CDH12: variants seen among roughly 807,000 people sequenced by gnomAD.
The protein encoded by CDH12 is cadherin-12.
Under a neutral mutation model 74.1 loss-of-function variants are expected in CDH12, and 41 were observed. That is an observed-to-expected ratio of 0.55 (90% confidence interval 0.43 to 0.72). CDH12 has a LOEUF of 0.72. Ranked by LOEUF, CDH12 falls within the 30% of genes least tolerant of loss-of-function variation. CDH12 has a pLI of 0.00. For missense variants in CDH12, 945 were observed against 977.2 expected (o/e 0.97, Z 0.44); for synonymous variants, 399 against 355.0 (o/e 1.12, Z -1.39).
intron 1 of CDH12, among the ~76,000 whole-genome samples, chr5:22,695,908 T>G (rs1260043704): frequency 6.6e-6 from 1 of 152,220 alleles, no homozygotes; most frequent in East Asian, 1.9e-4. Flanking sequence ...TAAATTTATC[T>G]ATTTACTATT....
At chr5:22,371,554 A>G (rs1315832441) in intron 3 of CDH12, among the ~76,000 whole-genome samples, 5 of 152,126 alleles carry the variant, frequency 3.3e-5, no homozygotes, top group Admixed American at 3.3e-4. Flanking sequence ...TATCTTTTAT[A>G]TTATTATTTT....
At chr5:22,095,850 C>T (rs1054123009) in intron 4 of CDH12, among the ~76,000 whole-genome samples, 26 of 151,242 alleles carry the variant, frequency 1.7e-4, no homozygotes, top group African/African-American at 5.8e-4. Context: ...CTCTGCGCCC[C>T]GATCCCTTAT....
At chr5:22,843,292 C>T (rs1386776648) in intron 1 of CDH12, among the ~76,000 whole-genome samples, 1 of 151,954 alleles carries the variant, frequency 6.6e-6, no homozygotes, top group Admixed American at 6.6e-5. Flanking sequence ...AACTAATGGA[C>T]CATCTTTAAA....
chr5:22,164,223 C>T (rs1408914715), intron 4 of CDH12, among the ~76,000 whole-genome samples: 1 of 152,136 alleles, frequency 6.6e-6, no homozygotes, highest in Non-Finnish European at 1.5e-5. Flanking sequence ...GGTTCTTGGC[C>T]TCAAGATTCC....
chr5:22,149,101 A>G (rs1747404472), intron 4 of CDH12, among the ~76,000 whole-genome samples: 1 of 152,064 alleles, frequency 6.6e-6, no homozygotes, highest in Non-Finnish European at 1.5e-5. Flanking sequence ...CTGGGTGACA[A>G]GCAAGACTCC....
At chr5:22,471,894 T>G (rs2126606866) in intron 2 of CDH12, among the ~76,000 whole-genome samples, 1 of 152,320 alleles carries the variant, frequency 6.6e-6, no homozygotes, top group South Asian at 2.1e-4. Context: ...TTTGTTAAAA[T>G]GCTAAGGAAG....
At chr5:21,894,382 G>GAAAA (rs376989106) in intron 6 of CDH12, among the ~76,000 whole-genome samples, 1,910 of 62,520 alleles carry the variant, frequency 0.031, no homozygotes, top group Non-Finnish European at 0.041. Flanking sequence ...CCGTCTCAAA[G>GAAAA]AAAAAAAAAA....
intron 4 of CDH12, among the ~76,000 whole-genome samples, chr5:22,085,301 A>G (rs1742993039): frequency 6.6e-6 from 1 of 152,122 alleles, no homozygotes. Flanking sequence ...TGGTTTCCCT[A>G]GTTATTTATT....
chr5:21,883,475 T>G (rs1752466266), intron 6 of CDH12: 4 of 1,612,824 alleles, frequency 2.5e-6, no homozygotes, highest in Non-Finnish European at 3.4e-6. Context: ...AGGTTGGTCT[T>G]CAGGTTGTGG....
chr5:22,544,814 C>CAA (rs754866925), intron 1 of CDH12, among the ~76,000 whole-genome samples: 1 of 130,298 alleles, frequency 7.7e-6, no homozygotes, highest in African/African-American at 2.8e-5. Context: ...GAGACTCTGT[C>CAA]AAAAAAAAAA....
chr5:22,202,108 T>C (rs1750954276), intron 4 of CDH12, among the ~76,000 whole-genome samples: 1 of 151,440 alleles, frequency 6.6e-6, no homozygotes, highest in Non-Finnish European at 1.5e-5. Context: ...TCCCTCCCTC[T>C]GCCCCTCCCT....
chr5:22,262,507 G>A (rs1261315969), intron 3 of CDH12, among the ~76,000 whole-genome samples: 1 of 151,128 alleles, frequency 6.6e-6, no homozygotes, highest in African/African-American at 2.4e-5. Flanking sequence ...TCTTAATCCA[G>A]TCTATCATTG....
At chr5:22,576,846 A>T (rs1739816079) in intron 1 of CDH12, among the ~76,000 whole-genome samples, 1 of 152,144 alleles carries the variant, frequency 6.6e-6, no homozygotes, top group African/African-American at 2.4e-5. Context: ...CAAGGGAAAG[A>T]TGTTTTTCAA....
intron 4 of CDH12, among the ~76,000 whole-genome samples, chr5:22,090,144 T>C (rs1396933175): frequency 6.6e-6 from 1 of 151,804 alleles, no homozygotes; most frequent in Non-Finnish European, 1.5e-5. Context: ...AATTAACAAA[T>C]GCTTAGTTAT....
chr5:22,360,535 T>C (rs921986201), intron 3 of CDH12, among the ~76,000 whole-genome samples: 2 of 152,166 alleles, frequency 1.3e-5, no homozygotes, highest in African/African-American at 4.8e-5. Flanking sequence ...TCTGAAACTA[T>C]TGCAATCAAT....
chr5:22,698,122 C>CTTTTTTTTTTTT lies in CDH12; in HGVS notation c.-523+154924_-523+154935dup, dbSNP rs10677695. ...CCTTAATGCCCGCATAAAGGCAGGG[C>CTTTTTTTTTTTT]TTTTTTTTTTTTTTTTGAGATGGAG... On this transcript the variant is annotated intron_variant, in intron 1 of 14. Coordinates refer to ENST00000382254, the MANE Select transcript of CDH12 (RefSeq NM_004061.5). 3.9e-4 allele frequency among the ~76,000 whole-genome samples: 36 copies of CTTTTTTTTTTTT among 91,174 alleles called. 1 individual carries two copies. The highest frequency in any genetic ancestry group is 4.8e-4 in the Non-Finnish European group (24 of 49,500). 59.8% of individuals were successfully genotyped at this position (91,174 alleles called of 152,430 possible). A position where few individuals can be genotyped will look rare whatever the true frequency, so the allele number is the denominator to read the frequency against.
chr5:22,090,606 T>TACACACAC (rs59054021), intron 4 of CDH12, among the ~76,000 whole-genome samples: 140 of 147,660 alleles, frequency 9.5e-4, no homozygotes, highest in African/African-American at 3.3e-3. Flanking sequence ...CATACATACA[T>TACACACAC]ACACACACAC....
At chr5:22,267,520 T>A (rs1019912253) in intron 3 of CDH12, among the ~76,000 whole-genome samples, 2 of 152,194 alleles carry the variant, frequency 1.3e-5, no homozygotes, top group Non-Finnish European at 2.9e-5. Flanking sequence ...TGGTGACTAT[T>A]AAATTGTCTT....
At chr5:21,768,068 C>G (rs891868167) in intron 11 of CDH12, among the ~76,000 whole-genome samples, 8 of 151,580 alleles carry the variant, frequency 5.3e-5, no homozygotes, top group Non-Finnish European at 8.9e-5. Flanking sequence ...GAAAATAACA[C>G]CATATGGAAA....
Sources: gnomAD v4.1 joint callset for allele counts (sites outside exome capture counted in the v4.1 genomes callset) on GRCh38, gnomAD v4.1.1 for gene constraint, MANE v1.5 for transcripts, NCBI Gene and HGNC (gene_info 2026-07-23, HGNC 2026-07-21) for gene names.